LAMA4: variants seen among roughly 807,000 people sequenced by gnomAD.
LAMA4 encodes laminin subunit alpha-4.
A neutral mutation model predicts 207.1 loss-of-function variants in LAMA4; 127 were observed. The ratio of observed to expected loss-of-function variants is 0.61; its 90% confidence interval spans 0.53 to 0.71. The LOEUF (loss-of-function observed/expected upper bound fraction) is 0.71. Ranked by LOEUF, LAMA4 falls within the 30% of genes least tolerant of loss-of-function variation. The probability of loss-of-function intolerance (pLI) is 0.00; values close to 1 mark genes in which losing one functional copy is unlikely to be tolerated. For synonymous variants in LAMA4, 761 were observed against 816.0 expected (o/e 0.93, Z 1.15); for missense variants, 2,093 against 2,246.5 (o/e 0.93, Z 1.38).
chr6:112,176,125 T>C (rs1264982331), intron 10 of LAMA4, among the ~76,000 whole-genome samples: 1 of 152,210 alleles, frequency 6.6e-6, no homozygotes, highest in African/African-American at 2.4e-5. Context: ...GCTGTTTGCC[T>C]TCTAGAGCGT....
At chr6:112,144,954 T>A in intron 18 of LAMA4, 21 bp from the exon 19 acceptor site, 1 of 1,597,352 alleles carries the variant, frequency 6.3e-7, no homozygotes. Context: ...TAAAAATTAA[T>A]CATTTAAGAA....
intron 12 of LAMA4, among the ~76,000 whole-genome samples, chr6:112,169,591 A>G (rs113567305): frequency 1.8e-4 from 28 of 152,320 alleles, no homozygotes; most frequent in African/African-American, 6.3e-4. Context: ...AGATCCAAAG[A>G]TCAGGAAGAG....
At chr6:112,158,944 A>T in intron 13 of LAMA4, 64 bp from the exon 14 acceptor site, 1 of 1,110,694 alleles carries the variant, frequency 9.0e-7, no homozygotes, top group Non-Finnish European at 1.3e-6. Flanking sequence ...TTTCCTAGGC[A>T]CCAAAAGATA....
At chr6:112,217,371 G>A (rs1340328884) in intron 2 of LAMA4, among the ~76,000 whole-genome samples, 5 of 152,096 alleles carry the variant, frequency 3.3e-5, no homozygotes, top group East Asian at 1.9e-4. Flanking sequence ...TCCGCTCCCC[G>A]CCCATCAGAC....
intron 38 of LAMA4, among the ~76,000 whole-genome samples, chr6:112,111,521 A>AAAAC (rs1777695319): frequency 6.6e-6 from 1 of 152,160 alleles, no homozygotes; most frequent in African/African-American, 2.4e-5. Flanking sequence ...GGTTTTATTT[A>AAAAC]GCCTAATTTC....
At chr6:112,171,001 G>A (rs1335409597) in intron 12 of LAMA4, among the ~76,000 whole-genome samples, 2 of 152,206 alleles carry the variant, frequency 1.3e-5, no homozygotes, top group Non-Finnish European at 2.9e-5. Flanking sequence ...AGGCTGAGGA[G>A]GCTGGTAGGG....
chr6:112,152,688 G>A (rs1780468134), intron 16 of LAMA4, among the ~76,000 whole-genome samples: 1 of 152,018 alleles, frequency 6.6e-6, no homozygotes, highest in Non-Finnish European at 1.5e-5. Context: ...GTCTTGATGT[G>A]ATTGGTTTAA....
chr6:112,211,574 G>A (rs1554356668), intron 3 of LAMA4, among the ~76,000 whole-genome samples: 2 of 152,212 alleles, frequency 1.3e-5, no homozygotes, highest in African/African-American at 4.8e-5. Flanking sequence ...ACAATACAGT[G>A]TGTGAAGGCT....
At chr6:112,203,958 G>A (rs118117377) in intron 4 of LAMA4, among the ~76,000 whole-genome samples, 518 of 152,242 alleles carry the variant, frequency 3.4e-3, no homozygotes, top group Non-Finnish European at 6.0e-3. Context: ...GGGCAGACAT[G>A]GTGCCTTGAT....
In LAMA4 at chr6:112,185,418, T is replaced by C. The variant is rs1213339211; in HGVS notation, c.967-71A>G. The C allele has an allele frequency of 9.9e-6, 9 of 907,590 alleles. No individual in the cohort carries two copies. The African/African-American group carries it at 1.5e-4, about 15-fold the overall frequency. The allele number at this position is 907,590 out of a possible 1,614,324, so 56.2% of individuals were successfully genotyped here. ...TTTAAAAAATGTACATAAAACTCTT[T>C]CAGTGTAAGAGGACTCAGAGTAGAG... is the stretch of plus-strand genomic sequence containing the variant. On this transcript the variant is annotated intron_variant, in intron 8 of 38. Transcript: ENST00000230538.
In LAMA4 at chr6:112,141,372, A is replaced by G. The variant is rs1242733766; in HGVS notation, c.2799T>C (p.Ile933=). 3 of 1,614,038 alleles carry G rather than the reference A, an allele frequency of 1.9e-6. No homozygotes were observed. In the African/African-American group the frequency reaches 4.0e-5, roughly 22 times the overall value. The stretch of plus-strand genomic sequence containing the variant: ...ATTCACTGTACCTTTCAATCTTGAC[A>G]ATGCTGAAGTAAGCAGGCCAGGAAC... The part of the protein sequence containing the change: ...PVSSWPAYFS[I]VKIERVGKHG... The change falls in exon 21 of 39, where the codon ATT becomes ATC. Residue 933 remains isoleucine, a synonymous_variant. Transcript: ENST00000230538.
rs1562652806 is a variant in LAMA4, at chr6:112,140,867, C to T, written c.2869G>A (p.Glu957Lys). The T allele has an allele frequency of 2.5e-6, 4 of 1,613,950 alleles. No homozygotes were observed. Among genetic ancestry groups the T allele is most frequent in the Non-Finnish European group, 3.4e-6 (4 of 1,179,832 alleles). ...TCCCCCTTTTTAATGAACTTTTCCT[C>T]TGCTGTGCTACTTAGACTCGGGACT... ...LTVPSLSSTA[E>K]EKFIKKGEFS... The change falls in exon 22 of 39, where the codon GAG becomes AAG. Residue 957 changes from glutamate (E) to lysine (K), a missense_variant. By Grantham distance (56) the Glu-to-Lys change is moderately conservative. This residue lies in a region of LAMA4 where 1,704 missense variants were observed against 1,788.4 expected (regional missense o/e 0.95). Transcript: ENST00000230538.
rs1554336795 is a variant in LAMA4 at position 112,155,701 on chromosome 6, A to G, written c.1823T>C (p.Leu608Ser). The change falls in exon 15 of 39, where the codon TTG (leucine) becomes TCG (serine). Residue 608 changes from leucine to serine, a missense_variant. This residue lies in a region of LAMA4 where 1,704 missense variants were observed against 1,788.4 expected (regional missense o/e 0.95). Coordinates refer to ENST00000230538, the MANE Select transcript of LAMA4 (RefSeq NM_001105206.3). Reference protein sequence around the residue: ...QQEANELSRKLHSSDMNGLVQ... With the variant: ...QQEANELSRKSHSSDMNGLVQ... ...CAGCCCGTTCATATCTGAACTGTGC[A>G]ACTTCCTGTTAATAAACAAACATTG... 1 of 1,614,098 alleles carries G rather than the reference A, an allele frequency of 6.2e-7. No homozygotes were observed. Among genetic ancestry groups the G allele is most frequent in the Non-Finnish European group, 8.5e-7 (1 of 1,179,970 alleles).
At chr6:112,172,496 A>C in intron 12 of LAMA4, 115 bp downstream of exon 12, 1 of 933,664 alleles carries the variant, frequency 1.1e-6, no homozygotes. Flanking sequence ...AATATTTTAA[A>C]ATATAAGTAT....
intron 31 of LAMA4, among the ~76,000 whole-genome samples, chr6:112,125,000 C>A (rs1554327152): frequency 2.0e-5 from 3 of 152,252 alleles, no homozygotes; most frequent in Middle Eastern, 3.4e-3. Context: ...CTTTTTCCAC[C>A]TGCCTTGGCC....
At position 112,165,330 on chromosome 6, in the gene LAMA4, G is replaced by A. The variant is rs770415465; in HGVS notation, c.1552-54C>T. 275 of 1,159,318 alleles carry A rather than the reference G, an allele frequency of 2.4e-4. 1 individual carries two copies. Among genetic ancestry groups the A allele is most frequent in the Non-Finnish European group, 3.3e-4 (256 of 765,938 alleles). 71.8% of individuals were successfully genotyped at this position (1,159,318 alleles called of 1,614,324 possible). A position where few individuals can be genotyped will look rare whatever the true frequency, so the allele number is the denominator to read the frequency against. On this transcript the variant is annotated intron_variant, in intron 12 of 38. Coordinates refer to ENST00000230538, the MANE Select transcript of LAMA4 (RefSeq NM_001105206.3). ...AAGTGAATATGTCTTTAGGGAAAGC[G>A]TTGGGGAGAGCAGTAAATGTCAACT...
At chr6:112,234,162 T>A (rs942933929) in intron 2 of LAMA4, 1 of 152,146 alleles carries the variant, frequency 6.6e-6, no homozygotes, top group African/African-American at 2.4e-5. Flanking sequence ...ACAAATTTTT[T>A]TTTTTATTTT....
At position 112,220,172 on chromosome 6, in the gene LAMA4, A is replaced by C. The variant is rs113741222; in HGVS notation, c.196-3703T>G. On this transcript the variant is annotated intron_variant, in intron 2 of 38. Coordinates refer to ENST00000230538, the MANE Select transcript of LAMA4 (RefSeq NM_001105206.3). ...GGGATATTGACTTTTAAAAATATTT[A>C]TTTTAGCCAAATTTTCTCTTTGACC... Among the ~76,000 whole-genome samples the C allele has an allele frequency of 8.6e-3, 1,304 of 152,264 alleles. 26 individuals carry two copies. Among genetic ancestry groups the C allele is most frequent in the African/African-American group, 0.029 (1,213 of 41,570 alleles).
intron 14 of LAMA4, among the ~76,000 whole-genome samples, chr6:112,157,454 T>G (rs901072281): frequency 1.3e-5 from 2 of 152,214 alleles, no homozygotes; most frequent in African/African-American, 2.4e-5. Flanking sequence ...CAGACAGATA[T>G]GGAAGGATAC....
Sources: gnomAD v4.1 joint callset for allele counts (sites outside exome capture counted in the v4.1 genomes callset) on GRCh38, gnomAD v4.1.1 for gene constraint, gnomAD v4.1.1 regional missense constraint, MANE v1.5 for transcripts, NCBI Gene and HGNC (gene_info 2026-07-23, HGNC 2026-07-21) for gene names.